Variants in PCDH1 observed in about 807,000 individuals in gnomAD.
The protein encoded by PCDH1 is protocadherin-1.
Under a neutral mutation model 74.6 loss-of-function variants are expected in PCDH1, and 23 were observed. The observed-to-expected ratio is 0.31, with a 90% CI of 0.22 to 0.44. The LOEUF (loss-of-function observed/expected upper bound fraction) is 0.44. Among genes scored for constraint, PCDH1 ranks in the 20% least tolerant of loss-of-function variants. PCDH1 has a pLI of 1.00. For missense variants in PCDH1, 1,214 were observed against 1,641.4 expected (o/e 0.74, Z 4.50); for synonymous variants, 647 against 686.1 (o/e 0.94, Z 0.89).
Position 141,857,342 on chromosome 5 carries a change from G to T in PCDH1, c.3229C>A (p.Pro1077Thr). Residue 1077 changes from proline (P) to threonine (T), a missense_variant, in exon 4 of 5, where the codon CCT (proline) becomes ACT (threonine). Pro to Thr is a conservative substitution (Grantham distance 38). This residue lies in a region of PCDH1 where 836 missense variants were observed against 1,182.2 expected (regional missense o/e 0.71). Coordinates refer to ENST00000287008, the MANE Select transcript of PCDH1 (RefSeq NM_032420.5). Reference protein sequence around the residue: ...ETPSSKSSSGPRLGPLALPED... With the variant: ...ETPSSKSSSGTRLGPLALPED... The stretch of plus-strand genomic sequence containing the variant: ...GGCAGGGCCAGGGGACCGAGTCGAG[G>T]CCCTGAGGATGACTTGCTGGACGGC... 6.2e-7 allele frequency: 1 copy of T among 1,613,928 alleles called. No individual in the cohort carries two copies. Among genetic ancestry groups the T allele is most frequent in the Non-Finnish European group, 8.5e-7 (1 of 1,179,932 alleles).
In PCDH1 at chr5:141,855,452, T is replaced by C. The variant is rs567455382; in HGVS notation, c.3320-1016A>G. Among the ~76,000 whole-genome samples the C allele has an allele frequency of 7.2e-5, 11 of 152,284 alleles. 1 individual carries two copies. In the East Asian group the frequency reaches 1.7e-3, roughly 24 times the overall value. On this transcript the variant is annotated intron_variant, in intron 4 of 4. Coordinates refer to ENST00000287008, the MANE Select transcript of PCDH1 (RefSeq NM_032420.5). The stretch of plus-strand genomic sequence containing the variant: ...GGGGTTGAGGAAACCTCCATCCTCA[T>C]TGAATTGATTGACACAATCAACTCT...
chr5:141,863,404 G>A lies in PCDH1; in HGVS notation c.2927C>T (p.Pro976Leu). 6.4e-7 allele frequency: 1 copy of A among 1,554,568 alleles called. No individual in the cohort carries two copies. The highest frequency in any genetic ancestry group is 8.7e-7 in the Non-Finnish European group (1 of 1,148,976). ...TGACTGGGGCTGCAGCTGGATGGAA[G>A]GCAGTGGGGAGTTAGAGCGATAGTG... Reference protein sequence around the residue: ...GRHYRSNSPLPSIQLQPQSPS... With the variant: ...GRHYRSNSPLLSIQLQPQSPS... Residue 976 changes from proline to leucine, a missense_variant, in exon 3 of 5, where the codon CCT (proline) becomes CTT (leucine). This residue lies in a region of PCDH1 where 836 missense variants were observed against 1,182.2 expected (regional missense o/e 0.71). Coordinates refer to ENST00000287008, the MANE Select transcript of PCDH1 (RefSeq NM_032420.5). The surrounding 1 kb of genome is among the most constrained non-coding windows in gnomAD (Gnocchi z 7.5).
In PCDH1 at chr5:141,868,994, C is replaced by T; in HGVS notation, c.478G>A (p.Asp160Asn). ...AAGTTGGGTGTGTTGTCATTGATGTCTTGTACTTCTATCTGGCCCTCTAGC... is the reference window on the plus strand; with the variant it reads ...AAGTTGGGTGTGTTGTCATTGATGTTTTGTACTTCTATCTGGCCCTCTAGC... ...RLLEGQIEVQ[D>N]INDNTPNFAS... Residue 160 changes from aspartate to asparagine, a missense_variant, in exon 2 of 5, where the codon GAC (aspartate) becomes AAC (asparagine). Coordinates refer to ENST00000287008, the MANE Select transcript of PCDH1 (RefSeq NM_032420.5). This position sits in a 1 kb window ranked among gnomAD's most constrained non-coding sequence, Gnocchi z 4.8. 6.2e-7 allele frequency: 1 copy of T among 1,614,136 alleles called. No individual in the cohort carries two copies. The highest frequency in any genetic ancestry group is 8.5e-7 in the Non-Finnish European group (1 of 1,180,032).
At chr5:141,862,564 G>A in intron 3 of PCDH1, 1 of 907,334 alleles carries the variant, frequency 1.1e-6, no homozygotes, top group Non-Finnish European at 1.3e-6. Flanking sequence ...AGAAGGGAAG[G>A]GGAAATTGAG....
At chr5:141,862,949 A>G (rs1752624253) in intron 3 of PCDH1, 17 of 1,237,750 alleles carry the variant, frequency 1.4e-5, no homozygotes, top group African/African-American at 1.5e-5. Flanking sequence ...AAGGCCCAGT[A>G]GCTGGTCCAG....
rs757239090 is a variant in PCDH1 at position 141,869,578 on chromosome 5, C to A, written c.41-147G>T. The A allele has an allele frequency of 6.5e-7, 1 of 1,535,456 alleles. No homozygotes were observed. The highest frequency in any genetic ancestry group is 8.7e-7 in the Non-Finnish European group (1 of 1,146,904). ...TCAGTCCCAGCACAGAACCCCGATT[C>A]CAGAAACTCAGATCCCTGAATCTCA... On this transcript the variant is annotated intron_variant, in intron 1 of 4. Transcript: ENST00000287008. This position sits in a 1 kb window ranked among gnomAD's most constrained non-coding sequence, Gnocchi z 4.9.
intron 1 of PCDH1, among the ~76,000 whole-genome samples, chr5:141,870,256 G>GTGCACACATGCCCCAGAGCA (rs371394570): frequency 8.5e-5 from 13 of 152,150 alleles, no homozygotes; most frequent in South Asian, 6.2e-4. Context: ...GCCACAGAGC[G>GTGCACACATGCCCCAGAGCA]TGCACACATG....
chr5:141,854,735 A>C (rs1451359713), intron 4 of PCDH1, among the ~76,000 whole-genome samples: 2 of 145,802 alleles, frequency 1.4e-5, no homozygotes, highest in Non-Finnish European at 1.5e-5. Context: ...GCAATGGCGC[A>C]ATCTCGGCTT....
rs754296531 is a variant in PCDH1 at position 141,864,285 on chromosome 5, G to A, written c.2046C>T (p.Thr682=). 54 of 1,613,610 alleles carry A rather than the reference G, an allele frequency of 3.3e-5. No homozygotes were observed. In the East Asian group the frequency reaches 1.2e-3, roughly 36 times the overall value. Residue 682 remains threonine (T), a synonymous_variant, in exon 3 of 5, where the codon ACC becomes ACT. Coordinates refer to ENST00000287008, the MANE Select transcript of PCDH1 (RefSeq NM_032420.5). This position sits in a 1 kb window ranked among gnomAD's most constrained non-coding sequence, Gnocchi z 5.9. ...SFDREQQSTY[T]FQLKAVDGGV... is the part of the protein sequence containing the mutation. Reference sequence around the variant, plus strand: ...CACCATCCACTGCCTTCAGCTGGAAGGTGTAGGTGCTTTGTTGCTCTCGAT... The same window carrying A: ...CACCATCCACTGCCTTCAGCTGGAAAGTGTAGGTGCTTTGTTGCTCTCGAT...
Position 141,864,986 on chromosome 5 carries a change from CTG to C in PCDH1, c.1343_1344del (p.Thr448ArgfsTer3). The C allele has an allele frequency of 6.2e-7, 1 of 1,614,146 alleles. No homozygotes were observed. On this transcript the variant is annotated frameshift_variant, in exon 3 of 5. Transcript: ENST00000287008. LOFTEE classifies it high-confidence loss of function. The surrounding 1 kb of genome is among the most constrained non-coding windows in gnomAD (Gnocchi z 5.9). ...VPFQLRQASETGSDSKKKYFL... is the reference protein window; with the variant it reads ...VPFQLRQASEXGSDSKKKYFL... ...AAATACTTCTTCTTGCTGTCACTGC[CTG>C]TCTCACTGGCCTGGCGCAGCTGGAA...
rs1753045774 is a variant in PCDH1, at chr5:141,869,924, G to GA, written c.41-494dup. On this transcript the variant is annotated intron_variant, in intron 1 of 4. Coordinates refer to ENST00000287008, the MANE Select transcript of PCDH1 (RefSeq NM_032420.5). The surrounding 1 kb of genome is among the most constrained non-coding windows in gnomAD (Gnocchi z 4.9). ...GCACCCCTCCCCACATGCATGGTAG[G>GA]AAAGAGACACAAGTACGTCCTTACA... Among the ~76,000 whole-genome samples the GA allele has an allele frequency of 6.6e-6, 1 of 152,168 alleles. No homozygotes were observed. The highest frequency in any genetic ancestry group is 2.4e-5 in the African/African-American group (1 of 41,434).
chr5:141,868,811 C>A lies in PCDH1; in HGVS notation c.661G>T (p.Val221Leu). 6.2e-7 allele frequency: 1 copy of A among 1,614,232 alleles called. No homozygotes were observed. The highest frequency in any genetic ancestry group is 8.5e-7 in the Non-Finnish European group (1 of 1,180,040). The change falls in exon 2 of 5, where the codon GTG becomes TTG. Residue 221 changes from valine to leucine, a missense_variant. Val to Leu is a conservative substitution (Grantham distance 32). Transcript: ENST00000287008. The surrounding 1 kb of genome is among the most constrained non-coding windows in gnomAD (Gnocchi z 4.8). ...PEAQELFGLQ[V>L]AEDQEEKQPQ... ...TGCTTCTCCTCCTGGTCCTCTGCCA[C>A]CTGCAGCCCAAATAGCTCCTGGGCC...
chr5:141,856,349 C>G, intron 4 of PCDH1: 1 of 992,298 alleles, frequency 1.0e-6, no homozygotes, highest in South Asian at 1.4e-5. Flanking sequence ...AGACCTAGGG[C>G]CTGGGAGGTT....
chr5:141,865,554 C>T lies in PCDH1; in HGVS notation c.904-127G>A, dbSNP rs1752787802. ...GGCAGACACAGCCAATCCAACATCG[C>T]TCCCTTTCCAGAAGCCATGTGTGTC... On this transcript the variant is annotated intron_variant, in intron 2 of 4. Coordinates refer to ENST00000287008, the MANE Select transcript of PCDH1 (RefSeq NM_032420.5). The surrounding 1 kb of genome is among the most constrained non-coding windows in gnomAD (Gnocchi z 4.4). 1 of 1,076,088 alleles carries T rather than the reference C, an allele frequency of 9.3e-7. No individual in the cohort carries two copies. The highest frequency in any genetic ancestry group is 1.5e-5 in the South Asian group (1 of 66,862). The allele number at this position is 1,076,088 out of a possible 1,614,324, so 66.7% of individuals were successfully genotyped here.
At chr5:141,873,233 C>T (rs1364143039) in intron 1 of PCDH1, among the ~76,000 whole-genome samples, 1 of 151,886 alleles carries the variant, frequency 6.6e-6, no homozygotes. Flanking sequence ...TCAAGCAATT[C>T]CCCTGCCTCA....
At position 141,878,285 on chromosome 5, in the gene PCDH1, G is replaced by A; in HGVS notation, c.-23C>T. 7.9e-7 allele frequency: 1 copy of A among 1,258,986 alleles called. No individual in the cohort carries two copies. Among genetic ancestry groups the A allele is most frequent in the South Asian group, 2.7e-5 (1 of 36,620 alleles). The allele number at this position is 1,258,986 out of a possible 1,614,324, so 78.0% of individuals were successfully genotyped here. ...CATGAGCCGCCGCCGGCCCCGGCCT[G>A]GGCTGCGGCTCCGCACGGCTGGGGC... On this transcript the variant is annotated 5_prime_UTR_variant, in exon 1 of 5. Transcript: ENST00000287008. This position sits in a 1 kb window ranked among gnomAD's most constrained non-coding sequence, Gnocchi z 5.5.
rs769756853 is a variant in PCDH1 at position 141,854,241 on chromosome 5, G to A, written c.3515C>T (p.Pro1172Leu). 1.5e-5 allele frequency: 24 copies of A among 1,611,958 alleles called. No homozygotes were observed. The Admixed American group carries it at 4.0e-4, about 27-fold the overall frequency. ...GGQEPAGAGS[P>L]SPPEDRNTKT... ...GGTGTTCCGGTCTTCCGGGGGGCTG[G>A]GGCTGCCGGCGCCCGCAGGCTCCTG... The change falls in exon 5 of 5, where the codon CCC becomes CTC. Residue 1172 changes from proline (P) to leucine (L), a missense_variant. Coordinates refer to ENST00000287008, the MANE Select transcript of PCDH1 (RefSeq NM_032420.5).
chr5:141,868,803 C>T lies in PCDH1; in HGVS notation c.669G>A (p.Glu223=). The T allele has an allele frequency of 6.2e-7, 1 of 1,614,214 alleles. No homozygotes were observed. The highest frequency in any genetic ancestry group is 1.1e-5 in the South Asian group (1 of 91,086). Residue 223 remains glutamate (E), a synonymous_variant, in exon 2 of 5, where the codon GAG becomes GAA. Coordinates refer to ENST00000287008, the MANE Select transcript of PCDH1 (RefSeq NM_032420.5). The surrounding 1 kb of genome is among the most constrained non-coding windows in gnomAD (Gnocchi z 4.8). ...AQELFGLQVA[E]DQEEKQPQLI... ...GCTGTGGTTGCTTCTCCTCCTGGTCCTCTGCCACCTGCAGCCCAAATAGCT... is the reference window on the plus strand; with the variant it reads ...GCTGTGGTTGCTTCTCCTCCTGGTCTTCTGCCACCTGCAGCCCAAATAGCT...
Position 141,869,259 on chromosome 5 carries a change from G to A in PCDH1, c.213C>T (p.Asn71=), listed in dbSNP as rs771801145. 1.2e-6 allele frequency: 2 copies of A among 1,612,310 alleles called. No individual in the cohort carries two copies. The highest frequency in any genetic ancestry group is 2.7e-5 in the African/African-American group (2 of 74,888). ...VYKVPEEQPP[N]TLIGSLAADY... is the part of the protein sequence containing the mutation. Reference sequence around the variant, plus strand: ...CGGCTGCGAGGCTCCCAATGAGGGTGTTGGGTGGCTGTTCCTCCGGCACCT... The same window carrying A: ...CGGCTGCGAGGCTCCCAATGAGGGTATTGGGTGGCTGTTCCTCCGGCACCT... The change falls in exon 2 of 5, where the codon AAC becomes AAT. Residue 71 remains asparagine (N), a synonymous_variant. Coordinates refer to ENST00000287008, the MANE Select transcript of PCDH1 (RefSeq NM_032420.5). The surrounding 1 kb of genome is among the most constrained non-coding windows in gnomAD (Gnocchi z 4.9).
Sources: gnomAD v4.1 joint callset for allele counts (sites outside exome capture counted in the v4.1 genomes callset) on GRCh38, gnomAD v4.1.1 for gene constraint, gnomAD v4.1.1 regional missense constraint, Gnocchi (gnomAD v3.1) non-coding constraint, MANE v1.5 for transcripts, NCBI Gene and HGNC (gene_info 2026-07-23, HGNC 2026-07-21) for gene names.